Variants in KRT17 observed in about 807,000 individuals in gnomAD.
The protein encoded by KRT17 is keratin 17, also known as keratin, type I cytoskeletal 17.
A neutral mutation model predicts 45.6 loss-of-function variants in KRT17; 29 were observed. The observed-to-expected ratio is 0.64, with a 90% CI of 0.47 to 0.87. KRT17 has a LOEUF of 0.87. Among genes scored for constraint, KRT17 ranks in the 40% least tolerant of loss-of-function variants. The pLI is 0.00. For missense variants in KRT17, 536 were observed against 577.8 expected (o/e 0.93, Z 0.74); for synonymous variants, 219 against 234.6 (o/e 0.93, Z 0.61).
In KRT17 at chr17:41,624,450, C is replaced by T. The variant is rs1016619635; in HGVS notation, c.60G>A (p.Leu20=). ...SSSSIKGSSG[L]GGGSSRTSCR... ...AGGAGGTGCGGGACGAGCCGCCCCC[C>T]AGGCCGGAGGAGCCCTTGATGGAGC... Residue 20 remains leucine, a synonymous_variant, in exon 1 of 8, where the codon CTG becomes CTA. Coordinates refer to ENST00000311208, the MANE Select transcript of KRT17 (RefSeq NM_000422.3). 13 of 1,610,324 alleles carry T rather than the reference C, an allele frequency of 8.1e-6. No individual in the cohort carries two copies. Among genetic ancestry groups the T allele is most frequent in the Middle Eastern group, 2.2e-4 (1 of 4,450 alleles).
chr17:41,622,079 A>C (rs556754274), intron 3 of KRT17: 9 of 592,760 alleles, frequency 1.5e-5, no homozygotes, highest in African/African-American at 1.3e-4. Flanking sequence ...TTCCTTACTT[A>C]TCCCCCACCC....
In KRT17 at chr17:41,624,452, G is replaced by A. The variant is rs752754536; in HGVS notation, c.58C>T (p.Leu20=). ...GAGGTGCGGGACGAGCCGCCCCCCA[G>A]GCCGGAGGAGCCCTTGATGGAGCTG... is the stretch of plus-strand genomic sequence containing the variant. ...SSSSIKGSSG[L]GGGSSRTSCR... The change falls in exon 1 of 8, where the codon CTG becomes TTG. Residue 20 remains leucine, a synonymous_variant. Coordinates refer to ENST00000311208, the MANE Select transcript of KRT17 (RefSeq NM_000422.3). 5.0e-6 allele frequency: 8 copies of A among 1,610,400 alleles called. No individual in the cohort carries two copies. The African/African-American group carries it at 1.1e-4, about 22-fold the overall frequency.
At position 41,622,057 on chromosome 17, in the gene KRT17, A is replaced by G; in HGVS notation, c.672+298T>C. On this transcript the variant is annotated intron_variant, in intron 3 of 7. Transcript: ENST00000311208. ...AGATGTTCAGCTTTGAGAGTTTGAA[A>G]TGGGACAAGATTTCCTTACTTATCC... The G allele has an allele frequency of 5.1e-6, 3 of 593,192 alleles. No homozygotes were observed. In the South Asian group the frequency reaches 6.1e-5, roughly 12 times the overall value. 36.7% of individuals were successfully genotyped at this position (593,192 alleles called of 1,614,324 possible). A position where few individuals can be genotyped will look rare whatever the true frequency, so the allele number is the denominator to read the frequency against.
chr17:41,624,540 A>T lies in KRT17; in HGVS notation c.-31T>A. ...CGGCGGCAGGAGGCAGGCACACAGG[A>T]GAAGGGCTGGAGAGGAGAGGGGCCC... On this transcript the variant is annotated 5_prime_UTR_variant, in exon 1 of 8. Transcript: ENST00000311208. 2 of 1,600,198 alleles carry T rather than the reference A, an allele frequency of 1.2e-6. No individual in the cohort carries two copies. The highest frequency in any genetic ancestry group is 2.7e-5 in the African/African-American group (2 of 74,592).
intron 7 of KRT17, chr17:41,620,075 C>A: frequency 1.0e-6 from 1 of 985,384 alleles, no homozygotes. Context: ...AGGCCCCTAT[C>A]TCCTCCATTA....
chr17:41,620,550 T>C lies in KRT17; in HGVS notation c.1190A>G (p.Gln397Arg), dbSNP rs141710767. 2 of 1,610,928 alleles carry C rather than the reference T, an allele frequency of 1.2e-6. No homozygotes were observed. The highest frequency in any genetic ancestry group is 2.2e-5 in the South Asian group (2 of 90,964). ...LLEGEDAHLT[Q>R]YKKEPVTTRQ... Reference sequence around the variant, plus strand: ...CAGATACTTACGTTCTTTCTTGTACTGAGTCAGGCTGAAAGAAAAAAAAAA... The same window carrying C: ...CAGATACTTACGTTCTTTCTTGTACCGAGTCAGGCTGAAAGAAAAAAAAAA... Residue 397 changes from glutamine to arginine, a missense_variant, in exon 7 of 8, where the codon CAG becomes CGG. Transcript: ENST00000311208.
At chr17:41,623,253 G>A in intron 1 of KRT17, 2 of 524,600 alleles carry the variant, frequency 3.8e-6, no homozygotes, top group South Asian at 4.0e-5. Flanking sequence ...CCCATGGCAG[G>A]CTCGGCCTTA....
chr17:41,621,823 C>T (rs751087542), intron 3 of KRT17, 69 bp from the exon 4 acceptor site: 10 of 1,589,568 alleles, frequency 6.3e-6, no homozygotes, highest in Non-Finnish European at 8.6e-6. Context: ...AAGCCTTCCC[C>T]CACAAGGGGA....
Position 41,621,020 on chromosome 17 carries a change from C to T in KRT17, c.906G>A (p.Glu302=). Residue 302 remains glutamate (E), a synonymous_variant, in exon 5 of 8, where the codon GAG becomes GAA. Transcript: ENST00000311208. ...CCAAGGCCTGCATGGTGCGCCGGAG[C>T]TCCGAGATCTCACTCTTGCCACTCT... ...LVQSGKSEIS[E]LRRTMQALEI... 3.1e-6 allele frequency: 5 copies of T among 1,613,942 alleles called. No individual in the cohort carries two copies. Among genetic ancestry groups the T allele is most frequent in the Non-Finnish European group, 4.2e-6 (5 of 1,179,952 alleles).
Position 41,620,538 on chromosome 17 carries a change from T to C in KRT17, c.1202A>G (p.Glu401Gly). 3 of 1,611,548 alleles carry C rather than the reference T, an allele frequency of 1.9e-6. No individual in the cohort carries two copies. Among genetic ancestry groups the C allele is most frequent in the Non-Finnish European group, 2.5e-6 (3 of 1,179,738 alleles). The change falls in exon 7 of 8, where the codon GAA (glutamate) becomes GGA (glycine). Residue 401 changes from glutamate (E) to glycine (G), a missense_variant and splice_region_variant. Coordinates refer to ENST00000311208, the MANE Select transcript of KRT17 (RefSeq NM_000422.3). ...GCCGAAGCCACGCAGATACTTACGT[T>C]CTTTCTTGTACTGAGTCAGGCTGAA... Reference protein sequence around the residue: ...EDAHLTQYKKEPVTTRQVRTI... With the variant: ...EDAHLTQYKKGPVTTRQVRTI...
intron 6 of KRT17, 31 bp from the exon 7 acceptor site, chr17:41,620,589 T>G: frequency 1.2e-6 from 2 of 1,609,482 alleles, no homozygotes; most frequent in Non-Finnish European, 1.7e-6. Flanking sequence ...GAGAGGAAAT[T>G]AGATGTGGGT....
At chr17:41,620,180 C>T (rs1403741417) in intron 7 of KRT17, 3 of 985,212 alleles carry the variant, frequency 3.0e-6, no homozygotes, top group African/African-American at 1.7e-5. Context: ...GGCTACAGAC[C>T]CCAGAGACAG....
chr17:41,620,088 C>G (rs2144611924), intron 7 of KRT17: 1 of 985,376 alleles, frequency 1.0e-6, no homozygotes, highest in Admixed American at 6.1e-5. Context: ...CTCCATTAGA[C>G]TAGGAACCCT....
Position 41,622,291 on chromosome 17 carries a change from C to A in KRT17, c.672+64G>T, listed in dbSNP as rs1303934436. 1.9e-5 allele frequency: 30 copies of A among 1,605,726 alleles called. No individual in the cohort carries two copies. In the Admixed American group the frequency reaches 5.0e-4, roughly 27 times the overall value. ...CTCTCTCCCACGGCCTCAGCCATTG[C>A]CCAGCCCCAGGGCTCTGCCACCCAC... is the stretch of plus-strand genomic sequence containing the variant. On this transcript the variant is annotated intron_variant, in intron 3 of 7. Transcript: ENST00000311208.
Position 41,624,137 on chromosome 17 carries a change from G to C in KRT17, c.373C>G (p.Pro125Ala). 1 of 1,612,136 alleles carries C rather than the reference G, an allele frequency of 6.2e-7. No homozygotes were observed. The highest frequency in any genetic ancestry group is 8.5e-7 in the Non-Finnish European group (1 of 1,179,924). ...TGGCTGTAGTCACGGGCGGGCCCCG[G>C]GGCCTGCCTCTGGTACCAGTCACGG... ...KIRDWYQRQA[P>A]GPARDYSQYY... Residue 125 changes from proline to alanine, a missense_variant, in exon 1 of 8, where the codon CCG becomes GCG. Pro to Ala is a conservative substitution (Grantham distance 27, BLOSUM62 -1). Transcript: ENST00000311208.
rs1908504999 is a variant in KRT17 at position 41,620,650 on chromosome 17, C to T, written c.1181+9G>A. ...ACCCCCAGCCCTGACCCCAGGCGCC[C>T]CCACTCACTGGGCATCCTCTCCCTC... On this transcript the variant is annotated intron_variant, in intron 6 of 7. Coordinates refer to ENST00000311208, the MANE Select transcript of KRT17 (RefSeq NM_000422.3). 1 of 1,611,918 alleles carries T rather than the reference C, an allele frequency of 6.2e-7. No homozygotes were observed. Among genetic ancestry groups the T allele is most frequent in the South Asian group, 1.1e-5 (1 of 91,002 alleles).
At chr17:41,620,281 G>A in intron 7 of KRT17, 1 of 985,250 alleles carries the variant, frequency 1.0e-6, no homozygotes, top group Non-Finnish European at 1.2e-6. Context: ...CCAGAGCTGG[G>A]ACCTGTCTCC....
chr17:41,620,328 C>T (rs1908493418), intron 7 of KRT17: 1 of 985,190 alleles, frequency 1.0e-6, no homozygotes, highest in Non-Finnish European at 1.2e-6. Flanking sequence ...AGGACCAGTT[C>T]CCTGCCCCAC....
chr17:41,624,199 G>A lies in KRT17; in HGVS notation c.311C>T (p.Ala104Val). Reference protein sequence around the residue: ...RLASYLDKVRALEEANTELEV... With the variant: ...RLASYLDKVRVLEEANTELEV... ...CAGCTCAGTGTTGGCCTCCTCCAGGGCACGCACCTTGTCCAGGTAGGAGGC... is the reference window on the plus strand; with the variant it reads ...CAGCTCAGTGTTGGCCTCCTCCAGGACACGCACCTTGTCCAGGTAGGAGGC... Residue 104 changes from alanine (A) to valine (V), a missense_variant, in exon 1 of 8, where the codon GCC becomes GTC. Transcript: ENST00000311208. The A allele has an allele frequency of 1.2e-6, 2 of 1,612,642 alleles. No homozygotes were observed. Among genetic ancestry groups the A allele is most frequent in the Admixed American group, 1.7e-5 (1 of 60,026 alleles).
Sources: gnomAD v4.1 joint callset for allele counts on GRCh38, gnomAD v4.1.1 for gene constraint, MANE v1.5 for transcripts, NCBI Gene and HGNC (gene_info 2026-07-23, HGNC 2026-07-21) for gene names.